Variants in CAST observed in about 807,000 individuals in gnomAD.
CAST encodes calpastatin.
In CAST, 76 loss-of-function variants were observed where a neutral mutation model predicts 119.6. The ratio of observed to expected loss-of-function variants is 0.64; its 90% CI spans 0.53 to 0.77. The LOEUF is 0.77. CAST is among the 30% of genes least tolerant of loss of function. The pLI, the probability that CAST is intolerant of heterozygous loss-of-function variation, is 0.00. For synonymous variants in CAST, 319 were observed against 331.6 expected (o/e 0.96, Z 0.41); for missense variants, 953 against 946.5 (o/e 1.01, Z -0.09).
Position 96,767,500 on chromosome 5 carries a change from A to C in CAST, c.2175+18A>C. The C allele has an allele frequency of 6.2e-7, 1 of 1,606,388 alleles. No homozygotes were observed. Among genetic ancestry groups the C allele is most frequent in the Non-Finnish European group, 8.5e-7 (1 of 1,173,828 alleles). ...ATTCAAAGGTAAAGACCATAGGAACATATTTCCATTAAATTTTGTTTTATT... is the reference window on the plus strand; with the variant it reads ...ATTCAAAGGTAAAGACCATAGGAACCTATTTCCATTAAATTTTGTTTTATT... On this transcript the variant is annotated intron_variant, in intron 28 of 31. Transcript: ENST00000675179.
chr5:96,740,708 T>C (rs756724066), intron 12 of CAST, 37 bp from the exon 13 acceptor site: 2 of 1,520,896 alleles, frequency 1.3e-6, no homozygotes, highest in Non-Finnish European at 9.1e-7. Context: ...GGATTAATTC[T>C]ACCTTCTCAA....
At chr5:96,288,255 T>C in the CAST span, among the ~76,000 whole-genome samples, 2 of 152,208 alleles carry the variant, frequency 1.3e-5, no homozygotes, top group Non-Finnish European at 2.9e-5. Context: ...GGACTGTTTT[T>C]TCCTCCTCAC....
At chr5:96,388,373 A>C in the CAST span, among the ~76,000 whole-genome samples, 1 of 152,202 alleles carries the variant, frequency 6.6e-6, no homozygotes, top group Non-Finnish European at 1.5e-5. Flanking sequence ...TTTGATTTAC[A>C]TCTGGTTCAT....
At chr5:96,747,160 G>T (rs187670304) in intron 17 of CAST, among the ~76,000 whole-genome samples, 185 bp from the exon 18 acceptor site, 1 of 151,944 alleles carries the variant, frequency 6.6e-6, no homozygotes, top group African/African-American at 2.4e-5. Flanking sequence ...GTAACATCTC[G>T]ATTTTTATAG....
chr5:96,760,371 C>T (rs747191142), intron 24 of CAST, among the ~76,000 whole-genome samples: 1 of 151,818 alleles, frequency 6.6e-6, no homozygotes, highest in African/African-American at 2.4e-5. Flanking sequence ...TTTACATATA[C>T]TCATATTATA....
At chr5:96,136,197 A>G in the CAST span, among the ~76,000 whole-genome samples, 1 of 152,192 alleles carries the variant, frequency 6.6e-6, no homozygotes, top group Non-Finnish European at 1.5e-5. Context: ...TAAGTGCTGT[A>G]GAGCAGTGGA....
chr5:96,355,379 G>A, the CAST span, among the ~76,000 whole-genome samples: 1,778 of 152,188 alleles, frequency 0.012, 32 homozygotes, highest in African/African-American at 0.04. Flanking sequence ...TTATGTCTGC[G>A]TAGTATTCTG....
At chr5:96,157,232 AC>A in the CAST span, among the ~76,000 whole-genome samples, 1 of 152,142 alleles carries the variant, frequency 6.6e-6, no homozygotes, top group Non-Finnish European at 1.5e-5. Context: ...GGTTTGCCCC[AC>A]CTGTGTGATC....
At chr5:96,495,303 A>C in the CAST span, among the ~76,000 whole-genome samples, 1 of 152,014 alleles carries the variant, frequency 6.6e-6, no homozygotes, top group Non-Finnish European at 1.5e-5. Context: ...CAGAACATGC[A>C]GGTTAGTTAC....
intron 1 of CAST, among the ~76,000 whole-genome samples, chr5:96,548,969 TG>T (rs1746070287): frequency 6.6e-6 from 1 of 152,188 alleles, no homozygotes; most frequent in Non-Finnish European, 1.5e-5. Context: ...TGAGCATCAC[TG>T]GGTGACCCAC....
intron 2 of CAST, among the ~76,000 whole-genome samples, chr5:96,683,283 C>T (rs564284476): frequency 6.6e-6 from 1 of 152,194 alleles, no homozygotes; most frequent in African/African-American, 2.4e-5. Flanking sequence ...CCATTGGCTT[C>T]GATTAGGATG....
intron 3 of CAST, among the ~76,000 whole-genome samples, chr5:96,719,796 G>C (rs112075669): frequency 1.3e-4 from 20 of 152,336 alleles, no homozygotes; most frequent in Non-Finnish European, 2.8e-4. Flanking sequence ...ACCTGGGTTA[G>C]AAGTCAGATG....
the CAST span, among the ~76,000 whole-genome samples, chr5:96,149,823 T>G: frequency 6.6e-6 from 1 of 152,354 alleles, no homozygotes; most frequent in African/African-American, 2.4e-5. Flanking sequence ...ATTTTTGGAC[T>G]TGAAACAAAA....
chr5:96,418,438 G>T, the CAST span, among the ~76,000 whole-genome samples: 32 of 152,100 alleles, frequency 2.1e-4, no homozygotes, highest in Non-Finnish European at 4.4e-4. Flanking sequence ...TCTGTAATTG[G>T]TGTTGAAATA....
the CAST span, among the ~76,000 whole-genome samples, chr5:96,073,576 G>A: frequency 1.3e-5 from 2 of 152,124 alleles, no homozygotes; most frequent in Non-Finnish European, 2.9e-5. Context: ...GATGGCAGTG[G>A]GGTGGGGATG....
At chr5:96,702,797 G>A (rs577641665) in intron 3 of CAST, 1 of 985,364 alleles carries the variant, frequency 1.0e-6, no homozygotes, top group African/African-American at 1.7e-5. Flanking sequence ...GCCCCGCCCC[G>A]TCGCACTCAG....
At chr5:96,624,194 A>T (rs1042282364) in intron 1 of CAST, among the ~76,000 whole-genome samples, 9 of 152,224 alleles carry the variant, frequency 5.9e-5, no homozygotes, top group Admixed American at 5.2e-4. Flanking sequence ...CAGTGTTCTG[A>T]TACCCACTCT....
At chr5:96,367,597 C>T in the CAST span, among the ~76,000 whole-genome samples, 1 of 152,112 alleles carries the variant, frequency 6.6e-6, no homozygotes, top group East Asian at 1.9e-4. Flanking sequence ...ATGAGCTAGG[C>T]TCTGTGGGTG....
the CAST span, among the ~76,000 whole-genome samples, chr5:96,001,527 CT>C: frequency 3.7e-3 from 569 of 152,270 alleles, 5 homozygotes; most frequent in African/African-American, 0.013. Flanking sequence ...GGTGTATTTA[CT>C]TCCCTAAGAG....
Sources: gnomAD v4.1 joint callset for allele counts (sites outside exome capture counted in the v4.1 genomes callset) on GRCh38, gnomAD v4.1.1 for gene constraint, MANE v1.5 for transcripts, NCBI Gene and HGNC (gene_info 2026-07-23, HGNC 2026-07-21) for gene names.